Variants in NR2C2 observed in about 807,000 individuals in gnomAD.
NR2C2 encodes the protein nuclear receptor subfamily 2 group C member 2.
A neutral mutation model predicts 62.9 loss-of-function variants in NR2C2; 6 were observed. That is an observed-to-expected ratio of 0.10 (90% CI 0.05 to 0.19). NR2C2 has a LOEUF of 0.19. Among genes scored for constraint, NR2C2 ranks in the 10% least tolerant of loss-of-function variants. NR2C2 has a pLI of 1.00. For missense variants in NR2C2, 479 were observed against 762.7 expected (o/e 0.63, Z 4.38); for synonymous variants, 272 against 273.8 (o/e 0.99, Z 0.07).
At chr3:14,968,876 A>G (rs575842594) in intron 1 of NR2C2, among the ~76,000 whole-genome samples, 1 of 146,624 alleles carries the variant, frequency 6.8e-6, no homozygotes, top group Admixed American at 6.9e-5. Flanking sequence ...TCAGTAAACT[A>G]TCGCAAGAAC....
rs2041649044 is a variant in NR2C2 at position 15,020,742 on chromosome 3, TC to T, written c.377-9del. ...TCACAAAATATTTGTGTATTCTTTC[TC>T]CTGTTTCAGGCCGTCACTATGGGGC... On this transcript the variant is annotated splice_polypyrimidine_tract_variant and intron_variant, in intron 4 of 13. Transcript: ENST00000425241. 1 of 1,611,844 alleles carries T rather than the reference TC, an allele frequency of 6.2e-7. No individual in the cohort carries two copies. Among genetic ancestry groups the T allele is most frequent in the Non-Finnish European group, 8.5e-7 (1 of 1,178,862 alleles).
intron 1 of NR2C2, among the ~76,000 whole-genome samples, chr3:14,984,048 C>G (rs1456303775): frequency 6.6e-6 from 1 of 152,062 alleles, no homozygotes; most frequent in East Asian, 1.9e-4. Context: ...GCCACCACGC[C>G]TGGCTAATTT....
At chr3:15,015,066 G>A (rs775183069) in intron 3 of NR2C2, among the ~76,000 whole-genome samples, 3 of 152,188 alleles carry the variant, frequency 2.0e-5, no homozygotes, top group Non-Finnish European at 2.9e-5. Context: ...CTTACTAAAT[G>A]CTGTCTCATC....
chr3:15,025,344 C>G (rs1295843461), intron 7 of NR2C2, among the ~76,000 whole-genome samples: 1 of 152,240 alleles, frequency 6.6e-6, no homozygotes, highest in Non-Finnish European at 1.5e-5. Context: ...TAGCCACATG[C>G]TTCTTTCCTG....
chr3:14,948,902 C>T (rs1329055945), intron 1 of NR2C2, among the ~76,000 whole-genome samples: 1 of 152,120 alleles, frequency 6.6e-6, no homozygotes, highest in Non-Finnish European at 1.5e-5. Flanking sequence ...GGCCGGACCT[C>T]CCTTCTGAGC....
At chr3:15,021,991 C>G (rs979486570) in intron 5 of NR2C2, among the ~76,000 whole-genome samples, 2 of 152,144 alleles carry the variant, frequency 1.3e-5, no homozygotes, top group Admixed American at 6.5e-5. Flanking sequence ...TGGGACTGGC[C>G]CACATTGCCA....
chr3:15,028,790 C>G (rs2041892320), intron 8 of NR2C2, 71 bp downstream of exon 8: 8 of 1,535,138 alleles, frequency 5.2e-6, no homozygotes, highest in Non-Finnish European at 7.2e-6. Flanking sequence ...GGGTGGAAAA[C>G]AGCATTTTGG....
intron 1 of NR2C2, among the ~76,000 whole-genome samples, chr3:14,981,545 G>C (rs1559543616): frequency 6.9e-6 from 1 of 144,602 alleles, no homozygotes; most frequent in Non-Finnish European, 1.5e-5. Flanking sequence ...GGAGCTTGCA[G>C]TTAGCCGAGA....
chr3:15,015,278 T>G (rs751402362), intron 3 of NR2C2, among the ~76,000 whole-genome samples: 66 of 152,354 alleles, frequency 4.3e-4, no homozygotes, highest in African/African-American at 8.4e-4. Context: ...TCAAGTACAT[T>G]TTAAAATAAC....
At position 15,047,908 on chromosome 3, in the gene NR2C2, C is replaced by T. The variant is rs2042512460; in HGVS notation, c.*4900C>T. On this transcript the variant is annotated 3_prime_UTR_variant, in exon 14 of 14. Coordinates refer to ENST00000425241, the MANE Select transcript of NR2C2 (RefSeq NM_001291694.2). ...TGGATATGTGTGCCCTTAAAAGCTACAGATACCAAATTTTCCTCGTCCAGG... is the reference window on the plus strand; with the variant it reads ...TGGATATGTGTGCCCTTAAAAGCTATAGATACCAAATTTTCCTCGTCCAGG... The T allele has an allele frequency of 6.6e-6, 1 of 152,326 alleles. No homozygotes were observed. The highest frequency in any genetic ancestry group is 6.5e-5 in the Admixed American group (1 of 15,296). 9.4% of individuals were successfully genotyped at this position (152,326 alleles called of 1,614,324 possible).
rs1045171502 is a variant in NR2C2 at position 15,030,517 on chromosome 3, G to A, written c.1110+65G>A. On this transcript the variant is annotated intron_variant, in intron 9 of 13. Coordinates refer to ENST00000425241, the MANE Select transcript of NR2C2 (RefSeq NM_001291694.2). The stretch of plus-strand genomic sequence containing the variant: ...GGGGGATAGGTTCTGTACCAAAGCC[G>A]ATCTGCAGTTTTAAAAATCAAACCT... 21 of 1,448,192 alleles carry A rather than the reference G, an allele frequency of 1.5e-5. 1 individual carries two copies. The highest frequency in any genetic ancestry group is 1.1e-4 in the Admixed American group (4 of 37,090). 89.7% of individuals were successfully genotyped at this position (1,448,192 alleles called of 1,614,324 possible).
intron 1 of NR2C2, among the ~76,000 whole-genome samples, chr3:14,979,517 G>A (rs865973913): frequency 3.2e-4 from 48 of 152,322 alleles, no homozygotes; most frequent in African/African-American, 1.2e-3. Flanking sequence ...GAAAAGGGAA[G>A]GGATCAAAAG....
chr3:15,017,754 T>G (rs2041550955), intron 4 of NR2C2, among the ~76,000 whole-genome samples: 1 of 152,190 alleles, frequency 6.6e-6, no homozygotes, highest in South Asian at 2.1e-4. Context: ...AGAAAAAGAC[T>G]GAGTTATTCC....
At chr3:14,971,129 A>G (rs2040022215) in intron 1 of NR2C2, among the ~76,000 whole-genome samples, 1 of 151,866 alleles carries the variant, frequency 6.6e-6, no homozygotes, top group Non-Finnish European at 1.5e-5. Flanking sequence ...TTTATTTTTT[A>G]TTTTTTTGAG....
At chr3:14,966,970 G>A (rs1048733791) in intron 1 of NR2C2, among the ~76,000 whole-genome samples, 2 of 152,108 alleles carry the variant, frequency 1.3e-5, no homozygotes, top group African/African-American at 4.8e-5. Context: ...TGTAGAATTA[G>A]CGGAGAAGCC....
At chr3:15,001,318 G>GTTTTTTTTTTTTT (rs61017075) in intron 1 of NR2C2, among the ~76,000 whole-genome samples, 7 of 97,508 alleles carry the variant, frequency 7.2e-5, no homozygotes, top group Non-Finnish European at 8.3e-5. Flanking sequence ...TTTGTTTTGG[G>GTTTTTTTTTTTTT]TTTTTTTTTT....
Position 15,039,225 on chromosome 3 carries a change from C to T in NR2C2, c.1614C>T (p.Tyr538=), listed in dbSNP as rs1302424781. 1 of 1,606,054 alleles carries T rather than the reference C, an allele frequency of 6.2e-7. No individual in the cohort carries two copies. Among genetic ancestry groups the T allele is most frequent in the Non-Finnish European group, 8.5e-7 (1 of 1,172,620 alleles). Residue 538 remains tyrosine (Y), a splice_region_variant and synonymous_variant, in exon 13 of 14, where the codon TAC becomes TAT. Coordinates refer to ENST00000425241, the MANE Select transcript of NR2C2 (RefSeq NM_001291694.2). The part of the protein sequence containing the change: ...YVQKTYSEDT[Y]RLARILVRLP... Reference sequence around the variant, plus strand: ...AGAAAACCTACTCAGAAGACACCTACCGGTGAGGCATTCAGGCATATGCGC... The same window carrying T: ...AGAAAACCTACTCAGAAGACACCTATCGGTGAGGCATTCAGGCATATGCGC...
At chr3:15,025,879 T>C (rs1031643272) in intron 7 of NR2C2, 2 of 152,266 alleles carry the variant, frequency 1.3e-5, no homozygotes, top group Admixed American at 6.5e-5. Context: ...AGCTGCACAG[T>C]ATTCTATGTG....
chr3:15,006,814 C>T (rs1031736077), intron 2 of NR2C2, among the ~76,000 whole-genome samples: 4 of 149,372 alleles, frequency 2.7e-5, no homozygotes, highest in African/African-American at 4.9e-5. Context: ...TCGCTCTTGT[C>T]GCCCAGGCTG....
Sources: gnomAD v4.1 joint callset for allele counts (sites outside exome capture counted in the v4.1 genomes callset) on GRCh38, gnomAD v4.1.1 for gene constraint, MANE v1.5 for transcripts, NCBI Gene and HGNC (gene_info 2026-07-23, HGNC 2026-07-21) for gene names.